The following NT5DC2 variants were observed in gnomAD, a reference collection of about 807,000 sequenced individuals.
The protein encoded by NT5DC2 is 5'-nucleotidase domain-containing protein 2.
In NT5DC2, 41 loss-of-function variants were observed where a neutral mutation model predicts 70.0. The observed-to-expected ratio is 0.59, with a 90% CI of 0.46 to 0.76. The LOEUF (loss-of-function observed/expected upper bound fraction) is 0.76. Ranked by LOEUF, NT5DC2 falls within the 30% of genes least tolerant of loss-of-function variation. NT5DC2 has a pLI of 0.00. For missense variants in NT5DC2, 705 were observed against 783.2 expected, an observed-to-expected ratio of 0.90 and a Z score of 1.19; for synonymous variants, 299 against 310.4, an observed-to-expected ratio of 0.96 and a Z score of 0.39.
chr3:52,527,485 C>A, intron 9 of NT5DC2, 110 bp from the exon 10 acceptor site: 1 of 1,458,994 alleles, frequency 6.9e-7, no homozygotes, highest in Non-Finnish European at 9.5e-7. Flanking sequence ...CCCATGCCAG[C>A]AAGGGGGTGT....
intron 11 of NT5DC2, 42 bp from the exon 12 acceptor site, chr3:52,525,145 TGG>T: frequency 2.0e-6 from 1 of 512,300 alleles, no homozygotes; most frequent in Non-Finnish European, 2.6e-6. Context: ...CGCCAGTTGC[TGG>T]GGGCGGGGGG....
In NT5DC2 at chr3:52,526,811, T is replaced by C. The variant is rs778920788; in HGVS notation, c.1119+483A>G. The stretch of plus-strand genomic sequence containing the variant: ...AGTAGCTGGGACCACAGGTGCATGC[T>C]ACCATGCCCCGCTAATTTTTTCTAT... On this transcript the variant is annotated intron_variant, in intron 10 of 13. Transcript: ENST00000422318. Among the ~76,000 whole-genome samples the C allele has an allele frequency of 4.0e-4, 61 of 152,134 alleles. 3 individuals carry two copies. Among genetic ancestry groups the C allele is most frequent in the Non-Finnish European group, 2.4e-4 (16 of 68,014 alleles).
chr3:52,534,642 C>T (rs148067255), upstream of NT5DC2: 26 of 1,612,780 alleles, frequency 1.6e-5, no homozygotes, highest in African/African-American at 3.3e-4. Context: ...CAGAACCGCT[C>T]TCCACTCGCA....
At chr3:52,532,536 T>C in intron 1 of NT5DC2, 6 of 982,260 alleles carry the variant, frequency 6.1e-6, no homozygotes, top group Non-Finnish European at 7.3e-6. Context: ...TCTAGCCAGT[T>C]AGAATCTTCC....
At chr3:52,534,619 CCT>C, upstream of NT5DC2, 1 of 1,613,932 alleles carries the variant, frequency 6.2e-7, no homozygotes, top group Non-Finnish European at 8.5e-7. Context: ...CAACAAAATT[CCT>C]CTTTCCTGCG....
rs1186993262 is a variant in NT5DC2, at chr3:52,527,621, G to A, written c.1033C>T (p.Arg345Cys). Residue 345 changes from arginine (R) to cysteine (C), a missense_variant, in exon 9 of 14, where the codon CGC becomes TGC. Coordinates refer to ENST00000422318, the MANE Select transcript of NT5DC2 (RefSeq NM_001134231.2). ...CAACCCCCACCATGCCCATACTTGC[G>A]CCGGTCAGTGAAGAAGCTGGGCTTG... Reference protein sequence around the residue: ...ADKPSFFTDRRKPFRKLDEKG... With the variant: ...ADKPSFFTDRCKPFRKLDEKG... 37 of 1,612,656 alleles carry A rather than the reference G, an allele frequency of 2.3e-5. No homozygotes were observed. The highest frequency in any genetic ancestry group is 3.1e-5 in the Non-Finnish European group (36 of 1,179,920).
Position 52,529,216 on chromosome 3 carries a change from C to A in NT5DC2, c.351G>T (p.Gln117His). The A allele has an allele frequency of 6.2e-7, 1 of 1,614,102 alleles. No individual in the cohort carries two copies. The highest frequency in any genetic ancestry group is 1.1e-5 in the South Asian group (1 of 91,082). ...TCTCGGGGTGCAGTGCGTCTGCATA[C>A]TGGGCCAGGGTGTAGTCGTAGTCAA... ...YGFDYDYTLA[Q>H]YADALHPEIF... Residue 117 changes from glutamine (Q) to histidine (H), a missense_variant, in exon 2 of 14, where the codon CAG becomes CAT. Gln to His is a conservative substitution (Grantham distance 24). Coordinates refer to ENST00000422318, the MANE Select transcript of NT5DC2 (RefSeq NM_001134231.2). The surrounding 1 kb of genome is among the most constrained non-coding windows in gnomAD (Gnocchi z 4.1).
chr3:52,528,524 C>T lies in NT5DC2; in HGVS notation c.564G>A (p.Val188=). 1 of 1,612,406 alleles carries T rather than the reference C, an allele frequency of 6.2e-7. No individual in the cohort carries two copies. ...LGTAYRGLQP[V]PDEEVIELYG... ...ACAGCTCAATCACCTCCTCGTCTGG[C>T]ACAGGCTGGAGGCCCCTGAGCAGGC... The change falls in exon 5 of 14, where the codon GTG becomes GTA. Residue 188 remains valine (V), a synonymous_variant. Coordinates refer to ENST00000422318, the MANE Select transcript of NT5DC2 (RefSeq NM_001134231.2).
At chr3:52,533,374 C>A in intron 1 of NT5DC2, 132 bp downstream of exon 1, 2 of 993,958 alleles carry the variant, frequency 2.0e-6, no homozygotes, top group Non-Finnish European at 2.8e-6. Context: ...AAAAGCCGCC[C>A]GGCCCTTGCG....
At chr3:52,527,554 C>T in intron 9 of NT5DC2, 63 bp downstream of exon 9, 1 of 1,569,036 alleles carries the variant, frequency 6.4e-7, no homozygotes, top group Non-Finnish European at 8.7e-7. Flanking sequence ...TGCTTCAGTC[C>T]CCTCATTGGG....
chr3:52,533,419 C>T (rs908961166), intron 1 of NT5DC2, 87 bp downstream of exon 1: 40 of 1,366,024 alleles, frequency 2.9e-5, no homozygotes, highest in Non-Finnish European at 3.7e-5. Flanking sequence ...TGGGTGTTTC[C>T]CCGGAGGAGC....
chr3:52,528,625 G>C lies in NT5DC2; in HGVS notation c.548+12C>G. 13 of 1,576,562 alleles carry C rather than the reference G, an allele frequency of 8.2e-6. No homozygotes were observed. Among genetic ancestry groups the C allele is most frequent in the Non-Finnish European group, 1.1e-5 (13 of 1,161,438 alleles). On this transcript the variant is annotated intron_variant, in intron 4 of 13. Transcript: ENST00000422318. ...GTGGGGCGGGGGTGGGGTTGGGGCAGAGCCGACTGACCTGTAGGCTGTCCC... is the reference window on the plus strand; with the variant it reads ...GTGGGGCGGGGGTGGGGTTGGGGCACAGCCGACTGACCTGTAGGCTGTCCC...
chr3:52,533,693 C>T lies in NT5DC2; in HGVS notation c.45G>A (p.Leu15=), dbSNP rs1194171118. 2.5e-5 allele frequency: 27 copies of T among 1,064,000 alleles called. No homozygotes were observed. Among genetic ancestry groups the T allele is most frequent in the Non-Finnish European group, 2.8e-5 (25 of 882,264 alleles). The allele number at this position is 1,064,000 out of a possible 1,614,324, so 65.9% of individuals were successfully genotyped here. The stretch of plus-strand genomic sequence containing the variant: ...CTCGCGGCCCGCCGTGGCCTCCGCA[C>T]AGCAGCCAGCGCCGAGCGGCCGCCC... The part of the protein sequence containing the change: ...GLRAAARRWL[L]CGGHGGPRAA... The change falls in exon 1 of 14, where the codon CTG becomes CTA. Residue 15 remains leucine, a synonymous_variant. Transcript: ENST00000422318.
In NT5DC2 at chr3:52,529,465, A is replaced by G; in HGVS notation, c.233-131T>C. On this transcript the variant is annotated intron_variant, in intron 1 of 13. Transcript: ENST00000422318. The surrounding 1 kb of genome is among the most constrained non-coding windows in gnomAD (Gnocchi z 4.1). ...GCCCCACAATGGCACCTCTTATTCC[A>G]GTGCTGGAGATGGTCAAACAGGCCC... 1.2e-6 allele frequency: 1 copy of G among 827,164 alleles called. No homozygotes were observed. The highest frequency in any genetic ancestry group is 1.7e-5 in the African/African-American group (1 of 59,050). 51.2% of individuals were successfully genotyped at this position (827,164 alleles called of 1,614,324 possible).
Position 52,529,368 on chromosome 3 carries a change from G to C in NT5DC2, c.233-34C>G. ...AGGAGATGCAGGGAGGCAGTGATGGGGATGATGATCCCTGCAGCAGCTATG... is the reference window on the plus strand; with the variant it reads ...AGGAGATGCAGGGAGGCAGTGATGGCGATGATGATCCCTGCAGCAGCTATG... On this transcript the variant is annotated intron_variant, in intron 1 of 13. Transcript: ENST00000422318. This position sits in a 1 kb window ranked among gnomAD's most constrained non-coding sequence, Gnocchi z 4.1. 1 of 1,600,474 alleles carries C rather than the reference G, an allele frequency of 6.2e-7. No homozygotes were observed. The highest frequency in any genetic ancestry group is 1.1e-5 in the South Asian group (1 of 90,204).
chr3:52,528,291 G>A lies in NT5DC2; in HGVS notation c.663C>T (p.Phe221=). Residue 221 remains phenylalanine (F), a synonymous_variant, in exon 6 of 14, where the codon TTC becomes TTT. Transcript: ENST00000422318. ...TCTCCGGTAGCGAGAAGATGTCCATGAACTGCTTAATGGAGGGACCCTGGG... is the reference window on the plus strand; with the variant it reads ...TCTCCGGTAGCGAGAAGATGTCCATAAACTGCTTAATGGAGGGACCCTGGG... ...FYGKGPSIKQ[F]MDIFSLPEMA... 1 of 1,613,346 alleles carries A rather than the reference G, an allele frequency of 6.2e-7. No homozygotes were observed. The highest frequency in any genetic ancestry group is 8.5e-7 in the Non-Finnish European group (1 of 1,180,026).
chr3:52,525,835 G>GGAGT (rs2079256089), intron 10 of NT5DC2: 1 of 155,362 alleles, frequency 6.4e-6, no homozygotes, highest in African/African-American at 2.4e-5. Context: ...CACCAGGGTA[G>GGAGT]GAGTCCACAC....
chr3:52,534,581 T>A (rs911250572), upstream of NT5DC2: 1 of 1,613,842 alleles, frequency 6.2e-7, no homozygotes, highest in Non-Finnish European at 8.5e-7. Context: ...GATGCTGTGG[T>A]CTTTTCTAGC....
chr3:52,532,056 G>T, intron 1 of NT5DC2: 1 of 380,066 alleles, frequency 2.6e-6, no homozygotes, highest in Non-Finnish European at 3.6e-6. Flanking sequence ...AGGTGGGTGG[G>T]GGCTGGGGGA....
Sources: gnomAD v4.1 joint callset for allele counts (sites outside exome capture counted in the v4.1 genomes callset) on GRCh38, gnomAD v4.1.1 for gene constraint, Gnocchi (gnomAD v3.1) non-coding constraint, MANE v1.5 for transcripts, NCBI Gene and HGNC (gene_info 2026-07-23, HGNC 2026-07-21) for gene names.